The following AHI1 variants were observed in gnomAD, a reference collection of about 807,000 sequenced individuals.
AHI1 encodes the protein jouberin.
Under a neutral mutation model 149.3 loss-of-function variants are expected in AHI1, and 123 were observed. That is an observed-to-expected ratio of 0.82 (90% CI 0.71 to 0.96). AHI1 has a LOEUF of 0.96. AHI1 is among the 40% of genes least tolerant of loss of function. The probability of loss-of-function intolerance (pLI) is 0.00; values close to 1 mark genes in which losing one functional copy is unlikely to be tolerated. For missense variants in AHI1, 1,439 were observed against 1,422.7 expected (o/e 1.01, Z -0.18); for synonymous variants, 475 against 459.8 (o/e 1.03, Z -0.42).
At chr6:135,408,013 C>T (rs956933554) in intron 21 of AHI1, among the ~76,000 whole-genome samples, 4 of 150,100 alleles carry the variant, frequency 2.7e-5, no homozygotes, top group Admixed American at 6.6e-5. Context: ...CCAGCCTGGG[C>T]GACAGAGTGA....
At chr6:135,420,186 G>A (rs1011969380) in intron 20 of AHI1, among the ~76,000 whole-genome samples, 2 of 152,094 alleles carry the variant, frequency 1.3e-5, no homozygotes, top group African/African-American at 4.8e-5. Context: ...CCAAACTTCT[G>A]TTAGTGTCCA....
intron 5 of AHI1, among the ~76,000 whole-genome samples, chr6:135,471,735 G>A (rs1289378181): frequency 5.3e-5 from 8 of 151,938 alleles, no homozygotes; most frequent in African/African-American, 1.2e-4. Context: ...ACATCAGGCC[G>A]GGCGCGGTGG....
intron 3 of AHI1, among the ~76,000 whole-genome samples, chr6:135,494,566 T>A (rs1795711838): frequency 6.6e-6 from 1 of 152,138 alleles, no homozygotes; most frequent in African/African-American, 2.4e-5. Flanking sequence ...AATATGCAAA[T>A]AAAATACTAG....
intron 15 of AHI1, among the ~76,000 whole-genome samples, chr6:135,433,861 G>A (rs888565646): frequency 4.0e-5 from 6 of 151,834 alleles, no homozygotes; most frequent in African/African-American, 7.2e-5. Flanking sequence ...CATTAAGCAC[G>A]TTCTTTTTGT....
At chr6:135,490,463 A>C (rs1048656612) in intron 5 of AHI1, 160 bp downstream of exon 5, 2 of 808,690 alleles carry the variant, frequency 2.5e-6, no homozygotes, top group Non-Finnish European at 3.9e-6. Flanking sequence ...AGTGATGTTG[A>C]TTCTAATATA....
Position 135,369,987 on chromosome 6 carries a change from G to A in AHI1, c.3110-11800C>T, listed in dbSNP as rs147859072. Among the ~76,000 whole-genome samples, 1,427 of 152,206 alleles carry A rather than the reference G, an allele frequency of 9.4e-3. 17 individuals are homozygous for A. The highest frequency in any genetic ancestry group is 0.032 in the African/African-American group (1,332 of 41,518). ...AACAGATATTTTAAAATTCTTGCCT[G>A]CTAATGCCAACATTTTGATTATCTG... On this transcript the variant is annotated intron_variant, in intron 23 of 28. Transcript: ENST00000265602.
At chr6:135,390,582 A>G (rs1450293368) in intron 23 of AHI1, among the ~76,000 whole-genome samples, 1 of 152,158 alleles carries the variant, frequency 6.6e-6, no homozygotes, top group African/African-American at 2.4e-5. Flanking sequence ...CTCCCTAAAC[A>G]TGTACCGTCG....
In AHI1 at chr6:135,457,560, G is replaced by A. The variant is rs754784786; in HGVS notation, c.1085C>T (p.Ser362Phe). The change falls in exon 9 of 29, where the codon TCT (serine) becomes TTT (phenylalanine). Residue 362 changes from serine (S) to phenylalanine (F), a missense_variant. Ser to Phe is a radical substitution (Grantham distance 155, BLOSUM62 -2). Coordinates refer to ENST00000265602, the MANE Select transcript of AHI1 (RefSeq NM_001134831.2). The part of the protein sequence containing the change: ...TDRLKSDFMI[S>F]HPMVKIHVVD... The stretch of plus-strand genomic sequence containing the variant: ...CACATGAATTTTTACCATTGGGTGA[G>A]AAATCATAAAATCTGACTTAAGTCT... 1 of 1,613,876 alleles carries A rather than the reference G, an allele frequency of 6.2e-7. No homozygotes were observed. The highest frequency in any genetic ancestry group is 1.3e-5 in the African/African-American group (1 of 75,024).
chr6:135,441,590 T>G (rs774758160), intron 14 of AHI1, among the ~76,000 whole-genome samples: 2 of 152,072 alleles, frequency 1.3e-5, no homozygotes, highest in Non-Finnish European at 2.9e-5. Context: ...ACATAGCATT[T>G]TAAAGCAAGT....
intron 24 of AHI1, among the ~76,000 whole-genome samples, chr6:135,328,649 G>A (rs997158704): frequency 6.6e-6 from 1 of 151,886 alleles, no homozygotes; most frequent in African/African-American, 2.4e-5. Flanking sequence ...TTGAAATTAG[G>A]CCAATTAATA....
In AHI1 at chr6:135,442,796, CTTTT is replaced by C. The variant is rs200653130; in HGVS notation, c.1780-86_1780-83del. 40,375 of 1,245,520 alleles carry C rather than the reference CTTTT, an allele frequency of 0.032. 779 individuals are homozygous for C. Among genetic ancestry groups the C allele is most frequent in the Non-Finnish European group, 0.037 (33,873 of 914,766 alleles). 77.2% of individuals were successfully genotyped at this position (1,245,520 alleles called of 1,614,324 possible). The stretch of plus-strand genomic sequence containing the variant: ...GTTTTTAATTTCAATTACTGTAGTT[CTTTT>C]AAGTCCTTTTATGATGCAGAGAAAG... On this transcript the variant is annotated intron_variant, in intron 13 of 28. Transcript: ENST00000265602.
chr6:135,329,247 G>A lies in AHI1; in HGVS notation c.3166-5923C>T, dbSNP rs543449439. 1.9e-4 allele frequency among the ~76,000 whole-genome samples: 29 copies of A among 152,278 alleles called. No homozygotes were observed. The South Asian group carries it at 3.3e-3, about 17-fold the overall frequency. On this transcript the variant is annotated intron_variant, in intron 24 of 28. Coordinates refer to ENST00000265602, the MANE Select transcript of AHI1 (RefSeq NM_001134831.2). ...CAGACTTATATTGGAAGAAGATGCC[G>A]TCTATGACTTTCATAGCTAGAGAGG...
intron 3 of AHI1, chr6:135,493,050 G>C (rs1176471614): frequency 1.1e-5 from 9 of 832,044 alleles, no homozygotes; most frequent in Non-Finnish European, 1.3e-5. Flanking sequence ...CCTTTGTCGA[G>C]TGCAGTGGTG....
At chr6:135,362,333 G>A (rs1794030359) in intron 23 of AHI1, among the ~76,000 whole-genome samples, 1 of 152,042 alleles carries the variant, frequency 6.6e-6, no homozygotes, top group Non-Finnish European at 1.5e-5. Flanking sequence ...GAGCAAAAGC[G>A]CTACTTTTCT....
At chr6:135,405,616 T>C (rs1466380781) in intron 21 of AHI1, among the ~76,000 whole-genome samples, 1 of 151,818 alleles carries the variant, frequency 6.6e-6, no homozygotes, top group African/African-American at 2.4e-5. Context: ...ATCCCAGCAC[T>C]TTGGGAGGCC....
chr6:135,398,139 G>T (rs1412919125), intron 22 of AHI1, among the ~76,000 whole-genome samples: 1 of 120,672 alleles, frequency 8.3e-6, no homozygotes, highest in Non-Finnish European at 1.7e-5. Flanking sequence ...AAGTTAAACA[G>T]AAAACTTGAG....
chr6:135,449,625 G>C (rs1453860865), intron 11 of AHI1, among the ~76,000 whole-genome samples: 1 of 152,040 alleles, frequency 6.6e-6, no homozygotes, highest in Non-Finnish European at 1.5e-5. Context: ...TAGAAGAATA[G>C]GCACTGAGTG....
At chr6:135,288,704 C>A (rs532217905) in intron 28 of AHI1, among the ~76,000 whole-genome samples, 1 of 151,558 alleles carries the variant, frequency 6.6e-6, no homozygotes, top group Non-Finnish European at 1.5e-5. Context: ...TTTAATCAAC[C>A]CTTTATTTTA....
At chr6:135,386,397 G>A (rs1328419120) in intron 23 of AHI1, among the ~76,000 whole-genome samples, 5 of 151,192 alleles carry the variant, frequency 3.3e-5, no homozygotes, top group Non-Finnish European at 7.4e-5. Context: ...TGCAAGCTCC[G>A]CCTCCCGGGT....
Sources: gnomAD v4.1 joint callset for allele counts (sites outside exome capture counted in the v4.1 genomes callset) on GRCh38, gnomAD v4.1.1 for gene constraint, MANE v1.5 for transcripts, NCBI Gene and HGNC (gene_info 2026-07-23, HGNC 2026-07-21) for gene names.